Variants in BMPR1B observed in about 807,000 individuals in gnomAD.
BMPR1B encodes the protein bone morphogenetic protein receptor type 1B, also known as bone morphogenetic protein receptor type-1B.
In BMPR1B, 12 loss-of-function variants were observed where a neutral mutation model predicts 59.1. That is an observed-to-expected ratio of 0.20 (90% CI 0.13 to 0.33). The LOEUF (loss-of-function observed/expected upper bound fraction) is 0.33. BMPR1B is among the 10% of genes least tolerant of loss of function. BMPR1B has a pLI of 1.00. For missense variants in BMPR1B, 550 were observed against 610.9 expected, an observed-to-expected ratio of 0.90 and a Z score of 1.05; for synonymous variants, 237 against 207.3, an observed-to-expected ratio of 1.14 and a Z score of -1.23.
Position 95,131,404 on chromosome 4 carries a change from A to G in BMPR1B, c.968A>G (p.Gln323Arg), listed in dbSNP as rs1733350435. The change falls in exon 10 of 13, where the codon CAA becomes CGA. Residue 323 changes from glutamine to arginine, a missense_variant. Transcript: ENST00000515059. The part of the protein sequence containing the change: ...CHLHTEIFST[Q>R]GKPAIAHRDL... ...TTACACACAGAAATCTTTAGTACTC[A>G]AGGCAAACCAGCAATTGCCCATCGA... The G allele has an allele frequency of 6.2e-7, 1 of 1,614,068 alleles. No individual in the cohort carries two copies. The highest frequency in any genetic ancestry group is 8.5e-7 in the Non-Finnish European group (1 of 1,179,990).
intron 3 of BMPR1B, among the ~76,000 whole-genome samples, chr4:95,060,507 T>C (rs181338783): frequency 6.6e-6 from 1 of 152,360 alleles, no homozygotes; most frequent in Admixed American, 6.5e-5. Context: ...CTTAATTTAG[T>C]ATGAACAATC....
At chr4:94,832,093 A>G (rs1724617141) in intron 1 of BMPR1B, among the ~76,000 whole-genome samples, 1 of 149,532 alleles carries the variant, frequency 6.7e-6, no homozygotes, top group Admixed American at 6.7e-5. Flanking sequence ...TAAATGTAAT[A>G]CACTTGAATC....
chr4:94,876,382 A>G (rs1472715770), intron 2 of BMPR1B, among the ~76,000 whole-genome samples: 1 of 152,200 alleles, frequency 6.6e-6, no homozygotes, highest in Non-Finnish European at 1.5e-5. Flanking sequence ...CGTGGACTTC[A>G]GAGGCCCTAC....
Position 94,957,642 on chromosome 4 carries a change from G to A in BMPR1B, c.-112-38398G>A, listed in dbSNP as rs181890747. Among the ~76,000 whole-genome samples the A allele has an allele frequency of 4.6e-5, 7 of 151,874 alleles. No homozygotes were observed. In the East Asian group the frequency reaches 1.4e-3, roughly 29 times the overall value. On this transcript the variant is annotated intron_variant, in intron 2 of 12. Coordinates refer to ENST00000515059, the MANE Select transcript of BMPR1B (RefSeq NM_001203.3). ...GCTCCTCACAGGAATGCATCAGATG[G>A]TCTTGTGATCATTCATTTTTATGTA... is the stretch of plus-strand genomic sequence containing the variant.
intron 2 of BMPR1B, among the ~76,000 whole-genome samples, chr4:94,897,628 T>C (rs77324053): frequency 0.018 from 2,734 of 152,222 alleles, 46 homozygotes; most frequent in East Asian, 0.082. Flanking sequence ...TGTTGCTTTG[T>C]ACATGTAATA....
chr4:94,887,617 G>C (rs1446572394), intron 2 of BMPR1B, among the ~76,000 whole-genome samples: 1 of 151,562 alleles, frequency 6.6e-6, no homozygotes. Context: ...CAAAAATGAA[G>C]ATAAATTACA....
At chr4:94,808,553 G>A (rs1434389774) in intron 1 of BMPR1B, among the ~76,000 whole-genome samples, 1 of 152,090 alleles carries the variant, frequency 6.6e-6, no homozygotes, top group Non-Finnish European at 1.5e-5. Context: ...GTATGGTTAT[G>A]GTTTTGCTTT....
rs540559529 is a variant in BMPR1B, at chr4:95,152,606, A to AATG, written c.1253-35_1253-34insGAT. On this transcript the variant is annotated intron_variant, in intron 11 of 12. Transcript: ENST00000515059. ...CTTTTATTTCTACTTCACAGAAAAT[A>AATG]ATAATAATAATAATAATAGTAACAA... is the stretch of plus-strand genomic sequence containing the variant. 801 of 1,441,936 alleles carry AATG rather than the reference A, an allele frequency of 5.6e-4. 11 individuals carry two copies. The South Asian group carries it at 0.01, about 18-fold the overall frequency. The allele number at this position is 1,441,936 out of a possible 1,614,324, so 89.3% of individuals were successfully genotyped here. A position where few individuals can be genotyped will look rare whatever the true frequency, so the allele number is the denominator to read the frequency against.
intron 4 of BMPR1B, among the ~76,000 whole-genome samples, chr4:95,105,862 A>G (rs1375967642): frequency 6.6e-6 from 1 of 152,064 alleles, no homozygotes; most frequent in Non-Finnish European, 1.5e-5. Flanking sequence ...GTTTGAAAGA[A>G]AGCAAAATTA....
chr4:95,106,165 G>A (rs1001460903), intron 4 of BMPR1B, among the ~76,000 whole-genome samples: 2 of 151,974 alleles, frequency 1.3e-5, no homozygotes, highest in Non-Finnish European at 2.9e-5. Flanking sequence ...GAACAGTAGA[G>A]CATAGTGGTA....
chr4:94,768,199 A>T (rs1489640675), intron 1 of BMPR1B, among the ~76,000 whole-genome samples: 1 of 152,108 alleles, frequency 6.6e-6, no homozygotes, highest in Non-Finnish European at 1.5e-5. Flanking sequence ...AATTGCTTTG[A>T]GTAACTCAAT....
chr4:95,070,239 A>T (rs558866545), intron 3 of BMPR1B, among the ~76,000 whole-genome samples: 53 of 152,322 alleles, frequency 3.5e-4, no homozygotes, highest in African/African-American at 1.3e-3. Flanking sequence ...AGAAATGATG[A>T]GGGCCTCCTT....
chr4:94,990,873 CT>C (rs1224669338), intron 2 of BMPR1B, among the ~76,000 whole-genome samples: 11 of 152,248 alleles, frequency 7.2e-5, no homozygotes, highest in African/African-American at 2.4e-4. Context: ...CGTGGCCGAA[CT>C]TTTTGAAAGA....
chr4:95,093,560 G>C (rs1051986049), intron 3 of BMPR1B, among the ~76,000 whole-genome samples: 4 of 151,670 alleles, frequency 2.6e-5, no homozygotes, highest in Non-Finnish European at 5.9e-5. Flanking sequence ...TCATAGTCTG[G>C]TGTTGTCTGT....
intron 2 of BMPR1B, among the ~76,000 whole-genome samples, chr4:94,877,566 T>C (rs1040394848): frequency 6.6e-6 from 1 of 152,216 alleles, no homozygotes; most frequent in Non-Finnish European, 1.5e-5. Flanking sequence ...TCTCTAGAAA[T>C]ACATTTTAGG....
chr4:94,869,918 C>T (rs533899419), intron 1 of BMPR1B, among the ~76,000 whole-genome samples: 1 of 152,234 alleles, frequency 6.6e-6, no homozygotes, highest in South Asian at 2.1e-4. Context: ...CACAGCATAA[C>T]AAGTATCTTT....
chr4:94,767,452 G>A (rs4699673), intron 1 of BMPR1B, among the ~76,000 whole-genome samples: 128,190 of 152,130 alleles, frequency 0.84, 54,340 homozygotes, highest in African/African-American at 0.94. Flanking sequence ...TTCATACATA[G>A]TGGATGCTCT....
intron 3 of BMPR1B, among the ~76,000 whole-genome samples, chr4:95,026,432 A>G (rs1381264854): frequency 1.3e-5 from 2 of 151,956 alleles, no homozygotes; most frequent in Admixed American, 6.6e-5. Context: ...ACCATTTGTT[A>G]TTCCGATTAT....
In BMPR1B at chr4:95,148,746, A is replaced by AGT. The variant is rs758129917; in HGVS notation, c.1077_1078dup. The AGT allele has an allele frequency of 6.2e-7, 1 of 1,613,630 alleles. No individual in the cohort carries two copies. The highest frequency in any genetic ancestry group is 1.1e-5 in the South Asian group (1 of 91,054). ...TAATGCTTTGCTTTACTTTTTCCTT[A>AGT]GTGATACAAATGAAGTTGACATACC... On this transcript the variant is annotated splice_acceptor_variant, in intron 10 of 12. Transcript: ENST00000515059. LOFTEE classifies it high-confidence loss of function.
Sources: allele counts gnomAD v4.1 joint callset (sites outside exome capture counted in the v4.1 genomes callset), GRCh38; gene constraint gnomAD v4.1.1; transcripts MANE v1.5; gene names NCBI Gene and HGNC (gene_info 2026-07-23, HGNC 2026-07-21).